The following LRRN2 variants were observed in gnomAD, a reference collection of about 807,000 sequenced individuals.
LRRN2 encodes the protein leucine rich repeat neuronal 2.
Under a neutral mutation model 35.7 loss-of-function variants are expected in LRRN2, and 10 were observed. The observed-to-expected ratio is 0.28, with a 90% CI of 0.17 to 0.47. LRRN2 has a LOEUF of 0.47. LRRN2 is among the 20% of genes least tolerant of loss of function. LRRN2 has a pLI of 0.99. For synonymous variants in LRRN2, 391 were observed against 409.6 expected, an observed-to-expected ratio of 0.95 and a Z score of 0.55; for missense variants, 731 against 940.3, an observed-to-expected ratio of 0.78 and a Z score of 2.91.
At chr1:204,656,639 G>A (rs960780873) in intron 1 of LRRN2, among the ~76,000 whole-genome samples, 2 of 152,200 alleles carry the variant, frequency 1.3e-5, no homozygotes, top group East Asian at 3.8e-4. Context: ...ATATCTGACA[G>A]TTTGACTGGA....
chr1:204,639,209 C>T (rs577028790), intron 1 of LRRN2, among the ~76,000 whole-genome samples: 2 of 152,344 alleles, frequency 1.3e-5, no homozygotes, highest in Non-Finnish European at 2.9e-5. Flanking sequence ...AGGGGTGACA[C>T]GTCTTTTACT....
chr1:204,642,127 C>T (rs1040573723), intron 1 of LRRN2, among the ~76,000 whole-genome samples: 23 of 152,146 alleles, frequency 1.5e-4, no homozygotes, highest in African/African-American at 5.6e-4. Context: ...GGCACAAGGC[C>T]CAGATGGTGC....
At chr1:204,684,493 T>G (rs1414685562) in intron 1 of LRRN2, among the ~76,000 whole-genome samples, 2 of 152,190 alleles carry the variant, frequency 1.3e-5, no homozygotes, top group East Asian at 3.9e-4. Context: ...CTCTTTAGCT[T>G]CTCCGCTCGG....
Position 204,620,172 on chromosome 1 carries a change from T to C in LRRN2, c.-180A>G. On this transcript the variant is annotated 5_prime_UTR_variant, in exon 2 of 2. Transcript: ENST00000367177. Reference sequence around the variant, plus strand: ...AATATGCCTTCTCTTCCTTGTCCTCTGGGGCTGGGCCTGCTCAGTCATTGC... The same window carrying C: ...AATATGCCTTCTCTTCCTTGTCCTCCGGGGCTGGGCCTGCTCAGTCATTGC... 6.9e-7 allele frequency: 1 copy of C among 1,449,790 alleles called. No individual in the cohort carries two copies. Among genetic ancestry groups the C allele is most frequent in the Non-Finnish European group, 9.1e-7 (1 of 1,100,180 alleles). The allele number at this position is 1,449,790 out of a possible 1,614,324, so 89.8% of individuals were successfully genotyped here. A position where few individuals can be genotyped will look rare whatever the true frequency, so the allele number is the denominator to read the frequency against.
In LRRN2 at chr1:204,619,852, G is replaced by A. The variant is rs1161713503; in HGVS notation, c.141C>T (p.Tyr47=). The change falls in exon 2 of 2, where the codon TAC becomes TAT. Residue 47 remains tyrosine (Y), a synonymous_variant. Coordinates refer to ENST00000367177, the MANE Select transcript of LRRN2 (RefSeq NM_201630.2). ...IRPWYTPRSS[Y]REATTVDCND... is the part of the protein sequence containing the mutation. Reference sequence around the variant, plus strand: ...TGCAGTCCACAGTGGTAGCCTCGCGGTAGGACGAGCGGGGCGTATACCAGG... The same window carrying A: ...TGCAGTCCACAGTGGTAGCCTCGCGATAGGACGAGCGGGGCGTATACCAGG... The A allele has an allele frequency of 5.0e-6, 8 of 1,613,636 alleles. No individual in the cohort carries two copies. The highest frequency in any genetic ancestry group is 6.8e-6 in the Non-Finnish European group (8 of 1,179,864).
chr1:204,657,134 G>A (rs185664672), intron 1 of LRRN2, among the ~76,000 whole-genome samples: 67 of 152,070 alleles, frequency 4.4e-4, no homozygotes, highest in African/African-American at 1.2e-3. Flanking sequence ...CGAAACCCCC[G>A]TCTCTACTAA....
chr1:204,665,718 C>T (rs892000987), intron 1 of LRRN2, among the ~76,000 whole-genome samples: 9 of 152,222 alleles, frequency 5.9e-5, no homozygotes, highest in Admixed American at 5.9e-4. Flanking sequence ...AAGCCCATCT[C>T]CTGGGCGCTG....
At position 204,618,656 on chromosome 1, in the gene LRRN2, C is replaced by T. The variant is rs767217879; in HGVS notation, c.1337G>A (p.Arg446Gln). ...CTCGGGTTCGGGTTCGGCCAGTGCC[C>T]GGCAATGCAGCACCATGCTCTCTCC... Reference protein sequence around the residue: ...ASGESMVLHCRALAEPEPEIY... With the variant: ...ASGESMVLHCQALAEPEPEIY... The change falls in exon 2 of 2, where the codon CGG becomes CAG. Residue 446 changes from arginine to glutamine, a missense_variant. This residue lies in a region of LRRN2 where 256 missense variants were observed against 392.4 expected (regional missense o/e 0.65). Coordinates refer to ENST00000367177, the MANE Select transcript of LRRN2 (RefSeq NM_201630.2). 6.8e-6 allele frequency: 11 copies of T among 1,607,474 alleles called. No homozygotes were observed. Among genetic ancestry groups the T allele is most frequent in the South Asian group, 2.2e-5 (2 of 89,704 alleles).
intron 1 of LRRN2, among the ~76,000 whole-genome samples, chr1:204,644,962 T>A (rs1024222053): frequency 6.6e-6 from 1 of 152,180 alleles, no homozygotes; most frequent in African/African-American, 2.4e-5. Context: ...AGAGGACTGA[T>A]AGGCTCATCC....
At chr1:204,645,944 A>T (rs192074615) in intron 1 of LRRN2, among the ~76,000 whole-genome samples, 3 of 152,312 alleles carry the variant, frequency 2.0e-5, no homozygotes, top group African/African-American at 7.2e-5. Flanking sequence ...ATTCAAGGTG[A>T]TATTTGGGTG....
chr1:204,641,466 C>G (rs1167805276), intron 1 of LRRN2, among the ~76,000 whole-genome samples: 1 of 152,212 alleles, frequency 6.6e-6, no homozygotes, highest in Non-Finnish European at 1.5e-5. Context: ...AGTTTCTTTT[C>G]ATCTATGAAA....
intron 1 of LRRN2, among the ~76,000 whole-genome samples, chr1:204,676,717 C>T (rs1466415639): frequency 1.3e-5 from 2 of 152,074 alleles, no homozygotes; most frequent in Non-Finnish European, 2.9e-5. Flanking sequence ...CAGGGGATCC[C>T]GGAAAAGAAA....
chr1:204,666,558 A>G (rs1668577609), intron 1 of LRRN2, among the ~76,000 whole-genome samples: 1 of 152,232 alleles, frequency 6.6e-6, no homozygotes, highest in Admixed American at 6.5e-5. Flanking sequence ...GGATGGTTAA[A>G]TAATTGTGGC....
intron 1 of LRRN2, among the ~76,000 whole-genome samples, chr1:204,648,140 T>C (rs1320464589): frequency 2.0e-5 from 3 of 151,990 alleles, no homozygotes; most frequent in Non-Finnish European, 2.9e-5. Flanking sequence ...GGCCAAACCA[T>C]AGGGAAAGAG....
intron 1 of LRRN2, among the ~76,000 whole-genome samples, chr1:204,635,290 C>A (rs1225296711): frequency 6.6e-6 from 1 of 152,046 alleles, no homozygotes; most frequent in Non-Finnish European, 1.5e-5. Context: ...ATTCTCTGGG[C>A]TTATATATAT....
intron 1 of LRRN2, among the ~76,000 whole-genome samples, chr1:204,623,339 G>C (rs557818364): frequency 3.3e-5 from 5 of 152,324 alleles, no homozygotes; most frequent in Admixed American, 3.3e-4. Flanking sequence ...CCAGGCACTT[G>C]CCTTTCCCCT....
At chr1:204,623,424 G>T (rs1667068107) in intron 1 of LRRN2, among the ~76,000 whole-genome samples, 1 of 152,216 alleles carries the variant, frequency 6.6e-6, no homozygotes, top group Non-Finnish European at 1.5e-5. Context: ...GTGGCTCCTG[G>T]GCCGGGAGCC....
At chr1:204,684,851 G>A (rs1039980914) in intron 1 of LRRN2, among the ~76,000 whole-genome samples, 2 of 152,110 alleles carry the variant, frequency 1.3e-5, no homozygotes, top group Admixed American at 6.5e-5. Flanking sequence ...GAGCTCCAAG[G>A]AGGAGAAAGT....
rs777247051 is a variant in LRRN2, at chr1:204,619,566, G to A, written c.427C>T (p.Leu143=). 1 of 1,614,206 alleles carries A rather than the reference G, an allele frequency of 6.2e-7. No individual in the cohort carries two copies. The highest frequency in any genetic ancestry group is 8.5e-7 in the Non-Finnish European group (1 of 1,180,042). ...TTGTGGTTGAGATAGAGTTCCTGTA[G>A]GCTGGCCAGCCCTGCAAAGCTGTGG... ...EDHSFAGLAS[L]QELYLNHNQL... Residue 143 remains leucine (L), a synonymous_variant, in exon 2 of 2, where the codon CTA becomes TTA. Transcript: ENST00000367177.
Sources: allele counts gnomAD v4.1 joint callset (sites outside exome capture counted in the v4.1 genomes callset), GRCh38; gene constraint gnomAD v4.1.1; regional missense constraint gnomAD v4.1.1; transcripts MANE v1.5; gene names NCBI Gene and HGNC (gene_info 2026-07-23, HGNC 2026-07-21).